Variants in DAB1 observed in about 807,000 individuals in gnomAD.
DAB1 encodes DAB adaptor protein 1.
A neutral mutation model predicts 64.6 loss-of-function variants in DAB1; 15 were observed. That is an observed-to-expected ratio of 0.23 (90% CI 0.16 to 0.36). The LOEUF is 0.36. DAB1 is among the 10% of genes least tolerant of loss of function. The pLI is 1.00. For missense variants in DAB1, 596 were observed against 706.7 expected, an observed-to-expected ratio of 0.84 and a Z score of 1.78; for synonymous variants, 235 against 251.9, an observed-to-expected ratio of 0.93 and a Z score of 0.64.
chr1:57,316,202 G>C (rs1038813432), intron 1 of DAB1, among the ~76,000 whole-genome samples: 1 of 152,202 alleles, frequency 6.6e-6, no homozygotes, highest in East Asian at 1.9e-4. Flanking sequence ...GAGAAAACAG[G>C]TGAGGCATTT....
At chr1:57,225,948 T>C (rs1008660246) in intron 2 of DAB1, among the ~76,000 whole-genome samples, 2 of 152,178 alleles carry the variant, frequency 1.3e-5, no homozygotes, top group African/African-American at 4.8e-5. Context: ...GTCATCTTAT[T>C]TGACATTCCC....
chr1:58,389,581 C>G (rs1445731984), intron 3 of DAB1, among the ~76,000 whole-genome samples: 1 of 152,196 alleles, frequency 6.6e-6, no homozygotes, highest in Admixed American at 6.5e-5. Context: ...CTTACATCAC[C>G]TAGGATAGAT....
At chr1:57,479,500 T>C (rs923701845) in intron 7 of DAB1, among the ~76,000 whole-genome samples, 2 of 151,346 alleles carry the variant, frequency 1.3e-5, no homozygotes, top group African/African-American at 4.8e-5. Context: ...AGTTATCTAA[T>C]GCAGCATATC....
intron 1 of DAB1, among the ~76,000 whole-genome samples, chr1:57,413,636 C>T (rs550764843): frequency 2.0e-5 from 3 of 149,768 alleles, no homozygotes; most frequent in South Asian, 2.1e-4. Context: ...CCCAAATACT[C>T]GAGAGGCTGA....
intron 6 of DAB1, among the ~76,000 whole-genome samples, chr1:57,666,967 C>T (rs1449589105): frequency 2.0e-5 from 3 of 152,000 alleles, no homozygotes; most frequent in Non-Finnish European, 4.4e-5. Context: ...AAACGCCTAC[C>T]TTGATCCAGT....
intron 5 of DAB1, among the ~76,000 whole-genome samples, chr1:57,995,579 C>A (rs182417468): frequency 6.6e-6 from 1 of 152,078 alleles, no homozygotes; most frequent in Admixed American, 6.5e-5. Context: ...CATTAATCCT[C>A]AATAAATACA....
intron 5 of DAB1, among the ~76,000 whole-genome samples, chr1:58,127,702 T>C (rs1249325301): frequency 1.3e-5 from 2 of 152,072 alleles, no homozygotes; most frequent in South Asian, 2.1e-4. Context: ...CCCAGCACCA[T>C]TTATTAAATA....
intron 4 of DAB1, among the ~76,000 whole-genome samples, chr1:58,156,511 A>C (rs1655236156): frequency 6.6e-6 from 1 of 152,230 alleles, no homozygotes. Context: ...ACAAGGAACC[A>C]CAGTCCAGTG....
At chr1:58,374,240 A>G (rs1644300916) in intron 3 of DAB1, among the ~76,000 whole-genome samples, 1 of 130,866 alleles carries the variant, frequency 7.6e-6, no homozygotes, top group South Asian at 2.7e-4. Context: ...TGTTTTGGAC[A>G]TGAAGTCCTT....
At chr1:57,982,892 T>C (rs1646100758) in intron 5 of DAB1, among the ~76,000 whole-genome samples, 1 of 152,200 alleles carries the variant, frequency 6.6e-6, no homozygotes, top group Non-Finnish European at 1.5e-5. Flanking sequence ...CACCAATATT[T>C]TCTCATTTAA....
chr1:58,376,422 TC>T lies in DAB1; in HGVS notation n.258-33020del, dbSNP rs1458779930. Among the ~76,000 whole-genome samples the T allele has an allele frequency of 4.4e-4, 58 of 133,090 alleles. 3 individuals carry two copies. Among genetic ancestry groups the T allele is most frequent in the African/African-American group, 1.6e-3 (56 of 34,896 alleles). The allele number at this position is 133,090 out of a possible 152,430, so 87.3% of individuals were successfully genotyped here. A position where few individuals can be genotyped will look rare whatever the true frequency, so the allele number is the denominator to read the frequency against. The stretch of plus-strand genomic sequence containing the variant: ...TCAAAGAACATCTTTATTTCTGCCT[TC>T]ATTTCCTTATGTACCCAGTAGTCAT... On this transcript the variant is annotated intron_variant and non_coding_transcript_variant, in intron 3 of 20. Transcript: ENST00000485760.
At chr1:58,427,288 T>C (rs1399519288) in intron 3 of DAB1, among the ~76,000 whole-genome samples, 2 of 152,144 alleles carry the variant, frequency 1.3e-5, no homozygotes, top group East Asian at 1.9e-4. Flanking sequence ...CAGAGTTGGA[T>C]AGAACCTTAA....
intron 9 of DAB1, among the ~76,000 whole-genome samples, chr1:57,036,984 T>A (rs1040049987): frequency 2.0e-5 from 3 of 152,184 alleles, no homozygotes; most frequent in African/African-American, 7.2e-5. Flanking sequence ...GAAGAAAATC[T>A]TTTTTATGGC....
chr1:57,444,031 C>T (rs1006355330), intron 7 of DAB1, among the ~76,000 whole-genome samples: 7 of 152,168 alleles, frequency 4.6e-5, no homozygotes, highest in Admixed American at 3.9e-4. Flanking sequence ...CATCAGCTTA[C>T]TCCATGTGCC....
chr1:57,685,188 G>A lies in DAB1; in HGVS notation n.552-35523C>T, dbSNP rs531752245. On this transcript the variant is annotated intron_variant and non_coding_transcript_variant, in intron 6 of 20. Coordinates refer to the DAB1 transcript ENST00000485760. ...AGGATGGTCTCCATCTCCTGACCTCGTGATCTGCCCACCTCGGCCTCCCAA... is the reference window on the plus strand; with the variant it reads ...AGGATGGTCTCCATCTCCTGACCTCATGATCTGCCCACCTCGGCCTCCCAA... Among the ~76,000 whole-genome samples the A allele has an allele frequency of 1.6e-4, 24 of 151,624 alleles. No homozygotes were observed. In the East Asian group the frequency reaches 2.3e-3, roughly 15 times the overall value.
intron 7 of DAB1, among the ~76,000 whole-genome samples, chr1:57,525,395 A>C (rs1644578595): frequency 6.6e-6 from 1 of 152,180 alleles, no homozygotes. Flanking sequence ...AGATCTGTTG[A>C]AGTATTTGAA....
intron 2 of DAB1, 26 bp downstream of exon 2, chr1:57,290,938 T>TA: frequency 6.4e-7 from 1 of 1,573,756 alleles, no homozygotes; most frequent in Non-Finnish European, 8.7e-7. Context: ...AAGTAGCCAT[T>TA]AAAAAAAGGT....
rs141608083 is a variant in DAB1, at chr1:58,020,820, T to C, written n.387+129691A>G. On this transcript the variant is annotated intron_variant and non_coding_transcript_variant, in intron 5 of 20. Coordinates refer to the DAB1 transcript ENST00000485760. Reference sequence around the variant, plus strand: ...GAGTTTGAGACCAGCCTGGCCAATGTAGTGAAACCCCATCTCTACTAAAAA... The same window carrying C: ...GAGTTTGAGACCAGCCTGGCCAATGCAGTGAAACCCCATCTCTACTAAAAA... Among the ~76,000 whole-genome samples, 31 of 152,172 alleles carry C rather than the reference T, an allele frequency of 2.0e-4. No individual in the cohort carries two copies. The East Asian group carries it at 5.2e-3, about 26-fold the overall frequency.
At position 58,104,258 on chromosome 1, in the gene DAB1, A is replaced by G. The variant is rs548416092; in HGVS notation, n.387+46253T>C. On this transcript the variant is annotated intron_variant and non_coding_transcript_variant, in intron 5 of 20. Transcript: ENST00000485760. Reference sequence around the variant, plus strand: ...GTGGACCCTCAATTAGTATTTATCAAACTGAATTGGACAAGTCCTTTCAAC... The same window carrying G: ...GTGGACCCTCAATTAGTATTTATCAGACTGAATTGGACAAGTCCTTTCAAC... Among the ~76,000 whole-genome samples the G allele has an allele frequency of 1.8e-4, 28 of 152,312 alleles. No homozygotes were observed. The East Asian group carries it at 4.8e-3, about 26-fold the overall frequency.
Sources: allele counts gnomAD v4.1 joint callset (sites outside exome capture counted in the v4.1 genomes callset), GRCh38; gene constraint gnomAD v4.1.1; transcripts MANE v1.5; gene names NCBI Gene and HGNC (gene_info 2026-07-23, HGNC 2026-07-21).